Variants in APIP observed in about 807,000 individuals in gnomAD.
APIP encodes methylthioribulose-1-phosphate dehydratase.
Under a neutral mutation model 32.0 loss-of-function variants are expected in APIP, and 32 were observed. The ratio of observed to expected loss-of-function variants is 1.00; its 90% CI spans 0.76 to 1.34. The LOEUF is 1.34. APIP is among the 40% of genes most tolerant of loss of function. The probability of loss-of-function intolerance (pLI) is 0.00; values close to 1 mark genes in which losing one functional copy is unlikely to be tolerated. For missense variants in APIP, 247 were observed against 298.6 expected (o/e 0.83, Z 1.27); for synonymous variants, 92 against 94.8 (o/e 0.97, Z 0.17).
intron 2 of APIP, 23 bp from the exon 3 acceptor site, chr11:34,890,575 T>C: frequency 1.2e-6 from 2 of 1,607,528 alleles, no homozygotes; most frequent in Non-Finnish European, 1.7e-6. Flanking sequence ...AACATACAAA[T>C]TGGTATTTAT....
intron 3 of APIP, among the ~76,000 whole-genome samples, chr11:34,890,136 T>C (rs535621403): frequency 6.6e-6 from 1 of 152,268 alleles, no homozygotes; most frequent in East Asian, 1.9e-4. Flanking sequence ...GAAATTAGAA[T>C]AACTTTGCTA....
At chr11:34,886,003 T>C (rs1199041317) in intron 5 of APIP, among the ~76,000 whole-genome samples, 1 of 152,226 alleles carries the variant, frequency 6.6e-6, no homozygotes, top group Non-Finnish European at 1.5e-5. Context: ...TACGTGATGA[T>C]AATGACTATG....
At position 34,909,340 on chromosome 11, in the gene APIP, G is replaced by T. The variant is rs1405000604; in HGVS notation, c.57+6888C>A. On this transcript the variant is annotated intron_variant, in intron 1 of 6. Coordinates refer to ENST00000395787, the MANE Select transcript of APIP (RefSeq NM_015957.4). ...CCTGACCTAAAAGAATTCACACTCT[G>T]GGGAGGAGTTTTTAAAAAGTAAACA... is the stretch of plus-strand genomic sequence containing the variant. 5.3e-5 allele frequency among the ~76,000 whole-genome samples: 8 copies of T among 152,152 alleles called. No individual in the cohort carries two copies. In the East Asian group the frequency reaches 1.6e-3, roughly 30 times the overall value.
rs780976504 is a variant in APIP at position 34,888,276 on chromosome 11, A to G, written c.461+17T>C. ...GAATTCTTTTCAAATTATTTAAGAAAAAGGAAAAAAAAATACCTATAATAC... is the reference window on the plus strand; with the variant it reads ...GAATTCTTTTCAAATTATTTAAGAAGAAGGAAAAAAAAATACCTATAATAC... On this transcript the variant is annotated intron_variant, in intron 5 of 6. Coordinates refer to ENST00000395787, the MANE Select transcript of APIP (RefSeq NM_015957.4). 3.3e-6 allele frequency: 5 copies of G among 1,496,184 alleles called. No homozygotes were observed. Among genetic ancestry groups the G allele is most frequent in the East Asian group, 4.8e-5 (2 of 41,250 alleles). 92.7% of individuals were successfully genotyped at this position (1,496,184 alleles called of 1,614,324 possible).
chr11:34,883,553 T>C lies in APIP; in HGVS notation c.462-49A>G, dbSNP rs758075061. On this transcript the variant is annotated intron_variant, in intron 5 of 6. Coordinates refer to ENST00000395787, the MANE Select transcript of APIP (RefSeq NM_015957.4). ...TTTTCCATTAAAACAAATCAAGCATTGATATGTATACAACATGTAATTTTT... is the reference window on the plus strand; with the variant it reads ...TTTTCCATTAAAACAAATCAAGCATCGATATGTATACAACATGTAATTTTT... 1.5e-5 allele frequency: 24 copies of C among 1,580,824 alleles called. No homozygotes were observed. The South Asian group carries it at 2.1e-4, about 14-fold the overall frequency.
chr11:34,899,120 C>T (rs1346185043), intron 1 of APIP, among the ~76,000 whole-genome samples: 1 of 152,120 alleles, frequency 6.6e-6, no homozygotes, highest in Non-Finnish European at 1.5e-5. Flanking sequence ...CCACCTGCCT[C>T]GGCCTCCCAA....
In APIP at chr11:34,888,736, T is replaced by G; in HGVS notation, c.325+16A>C. 6.8e-7 allele frequency: 1 copy of G among 1,479,712 alleles called. No homozygotes were observed. Among genetic ancestry groups the G allele is most frequent in the Non-Finnish European group, 9.1e-7 (1 of 1,102,150 alleles). The allele number at this position is 1,479,712 out of a possible 1,614,324, so 91.7% of individuals were successfully genotyped here. Reference sequence around the variant, plus strand: ...CTCTGCAAATATTCTTTATGTTGAATATATTTTCTGCATACCTCTCATTGT... The same window carrying G: ...CTCTGCAAATATTCTTTATGTTGAAGATATTTTCTGCATACCTCTCATTGT... On this transcript the variant is annotated intron_variant, in intron 4 of 6. Transcript: ENST00000395787.
chr11:34,888,182 A>T, intron 5 of APIP, 111 bp downstream of exon 5: 2 of 1,063,998 alleles, frequency 1.9e-6, no homozygotes, highest in Non-Finnish European at 2.6e-6. Context: ...AGTATTATTT[A>T]ACACAGATCC....
At position 34,883,359 on chromosome 11, in the gene APIP, T is replaced by C. The variant is rs200074052; in HGVS notation, c.607A>G (p.Thr203Ala). 7 of 1,611,016 alleles carry C rather than the reference T, an allele frequency of 4.3e-6. 1 individual carries two copies. The South Asian group carries it at 6.6e-5, about 15-fold the overall frequency. Reference sequence around the variant, plus strand: ...CACATGGTTTTGGCCTTCTCCCATGTTTCCCCCCACACATATACTCCATGA... The same window carrying C: ...CACATGGTTTTGGCCTTCTCCCATGCTTCCCCCCACACATATACTCCATGA... ...RRHGVYVWGE[T>A]WEKAKTMCEC... Residue 203 changes from threonine to alanine, a missense_variant, in exon 6 of 7, where the codon ACA becomes GCA. Coordinates refer to ENST00000395787, the MANE Select transcript of APIP (RefSeq NM_015957.4).
intron 1 of APIP, among the ~76,000 whole-genome samples, chr11:34,905,389 T>C (rs1248868245): frequency 6.6e-6 from 1 of 152,210 alleles, no homozygotes; most frequent in Non-Finnish European, 1.5e-5. Context: ...TTCACTGTTT[T>C]AGGATTCCCT....
Position 34,895,050 on chromosome 11 carries a change from A to T in APIP, c.118T>A (p.Trp40Arg). The stretch of plus-strand genomic sequence containing the variant: ...ATTCCTCCTCCAGTCCCAGTGACCC[A>T]GCCTAAATGGTAAAACTGTTTGCAA... ...ELCKQFYHLG[W>R]VTGTGGGISL... Residue 40 changes from tryptophan to arginine, a missense_variant, in exon 2 of 7, where the codon TGG becomes AGG. Physicochemically the swap from Trp to Arg is moderately radical, Grantham distance 101. Transcript: ENST00000395787. 4 of 1,614,148 alleles carry T rather than the reference A, an allele frequency of 2.5e-6. No homozygotes were observed. Among genetic ancestry groups the T allele is most frequent in the Non-Finnish European group, 3.4e-6 (4 of 1,180,002 alleles).
intron 1 of APIP, among the ~76,000 whole-genome samples, chr11:34,896,525 G>C (rs546772716): frequency 9.2e-5 from 14 of 152,218 alleles, no homozygotes; most frequent in Non-Finnish European, 1.9e-4. Context: ...TGAACAATGA[G>C]AACACATGGA....
intron 1 of APIP, among the ~76,000 whole-genome samples, chr11:34,911,316 A>G (rs958480273): frequency 6.6e-6 from 1 of 152,186 alleles, no homozygotes; most frequent in African/African-American, 2.4e-5. Flanking sequence ...GTGTCAACAT[A>G]TATAGGACAC....
At chr11:34,908,899 G>A (rs892766500) in intron 1 of APIP, among the ~76,000 whole-genome samples, 12 of 152,320 alleles carry the variant, frequency 7.9e-5, no homozygotes, top group Non-Finnish European at 1.0e-4. Flanking sequence ...TCTATGCTAT[G>A]CACAGGGCTT....
At chr11:34,897,156 C>T (rs886300288) in intron 1 of APIP, among the ~76,000 whole-genome samples, 1 of 152,164 alleles carries the variant, frequency 6.6e-6, no homozygotes, top group African/African-American at 2.4e-5. Context: ...TAATGTTCTA[C>T]TTACTCATTT....
At chr11:34,915,436 T>C (rs973300721) in intron 1 of APIP, among the ~76,000 whole-genome samples, 8 of 152,216 alleles carry the variant, frequency 5.3e-5, no homozygotes, top group African/African-American at 1.7e-4. Context: ...AAGAAAGATA[T>C]AGATAGGAGG....
intron 2 of APIP, among the ~76,000 whole-genome samples, chr11:34,894,489 C>CAAAA (rs1853235672): frequency 1.0e-5 from 1 of 100,080 alleles, no homozygotes; most frequent in African/African-American, 3.1e-5. Context: ...AAAAAAAAAC[C>CAAAA]CCAGAAAAAA....
intron 1 of APIP, 62 bp from the exon 2 acceptor site, chr11:34,895,172 G>A: frequency 7.1e-7 from 1 of 1,408,792 alleles, no homozygotes; most frequent in South Asian, 1.2e-5. Flanking sequence ...TATTCCAGCT[G>A]GTGTTTCTAA....
intron 5 of APIP, among the ~76,000 whole-genome samples, chr11:34,886,783 C>T (rs1008879564): frequency 6.6e-6 from 1 of 152,210 alleles, no homozygotes; most frequent in Non-Finnish European, 1.5e-5. Flanking sequence ...CAGTAACCTG[C>T]TATGCAGGCT....
Sources: gnomAD v4.1 joint callset for allele counts (sites outside exome capture counted in the v4.1 genomes callset) on GRCh38, gnomAD v4.1.1 for gene constraint, MANE v1.5 for transcripts, NCBI Gene and HGNC (gene_info 2026-07-23, HGNC 2026-07-21) for gene names.